The following RTL9 variants were observed in gnomAD, a reference collection of about 807,000 sequenced individuals.
The protein encoded by RTL9 is retrotransposon Gag like 9, also known as retrotransposon Gag-like protein 9.
Under a neutral mutation model 44.7 loss-of-function variants are expected in RTL9, and 19 were observed. The observed-to-expected ratio is 0.42, with a 90% confidence interval of 0.30 to 0.62. The LOEUF is 0.62. Ranked by LOEUF, RTL9 falls within the 20% of genes least tolerant of loss-of-function variation. The pLI is 0.16. For missense variants in RTL9, 1,105 were observed against 1,080.6 expected (o/e 1.02, Z -0.32); for synonymous variants, 407 against 398.9 (o/e 1.02, Z -0.24).
At chrX:110,385,199 T>C (rs139608199) in intron 1 of RTL9, among the ~76,000 whole-genome samples, 168 of 111,314 alleles carry the variant, frequency 1.5e-3, no homozygotes, top group South Asian at 3.5e-3. Context: ...ATCTATCAAA[T>C]AGAAACAATA....
At chrX:110,436,933 T>C (rs952574424) in intron 1 of RTL9, among the ~76,000 whole-genome samples, 1 of 111,931 alleles carries the variant, frequency 8.9e-6, no homozygotes, top group African/African-American at 3.2e-5. Flanking sequence ...GTAGGGCTTC[T>C]TTTGCTTTGT....
At position 110,370,590 on chromosome X, in the gene RTL9, AC is replaced by A. The variant is rs1205784412; in HGVS notation, c.-168+11675del. ...AGTCATCCCTTTTCTAAAGTTAATTACTTAATTTTCTTAACTTTTCCTAATT... is the reference window on the plus strand; with the variant it reads ...AGTCATCCCTTTTCTAAAGTTAATTATTAATTTTCTTAACTTTTCCTAATT... On this transcript the variant is annotated intron_variant, in intron 1 of 2. Coordinates refer to the RTL9 transcript ENST00000520821. Among the ~76,000 whole-genome samples, 3 of 112,498 alleles carry A rather than the reference AC, an allele frequency of 2.7e-5. No homozygotes were observed. In the East Asian group the frequency reaches 8.3e-4, roughly 31 times the overall value.
intron 1 of RTL9, among the ~76,000 whole-genome samples, chrX:110,393,525 C>G (rs967282897): frequency 9.0e-6 from 1 of 111,506 alleles, no homozygotes; most frequent in African/African-American, 3.3e-5. Flanking sequence ...GGCTCCAAGT[C>G]CCTCTGTCCC....
chrX:110,450,837 A>T lies in RTL9; in HGVS notation c.220A>T (p.Met74Leu), dbSNP rs776290244. ...GATGACATCTCCAGTCTTTGACACC[A>T]TGTCTGCACCTCTAATGGGAGTACC... Residue 74 changes from methionine to leucine, a missense_variant, in exon 1 of 2, where the codon ATG (methionine) becomes TTG (leucine). Met to Leu is a conservative substitution (Grantham distance 15, BLOSUM62 2). Transcript: ENST00000540313. 1.2e-5 allele frequency: 14 copies of T among 1,209,402 alleles called. No homozygotes were observed. The Admixed American group carries it at 2.8e-4, about 25-fold the overall frequency.
At chrX:110,444,091 T>C (rs1182818292) in intron 1 of RTL9, among the ~76,000 whole-genome samples, 1 of 112,545 alleles carries the variant, frequency 8.9e-6, no homozygotes, top group African/African-American at 3.2e-5. Flanking sequence ...TGAAGTTTGC[T>C]TGGAGAGTCT....
intron 1 of RTL9, among the ~76,000 whole-genome samples, chrX:110,400,687 T>C (rs2068558487): frequency 8.9e-6 from 1 of 112,129 alleles, no homozygotes; most frequent in Admixed American, 9.5e-5. Context: ...CTGTGAAGCT[T>C]TCTCAGTGCC....
At chrX:110,453,838 T>G in exon 1 of RTL9, 1 of 1,211,188 alleles carries the variant, frequency 8.3e-7, no homozygotes, top group Non-Finnish European at 1.1e-6. Flanking sequence ...ACACCACTAA[T>G]GAGGGCCTCA....
intron 1 of RTL9, among the ~76,000 whole-genome samples, chrX:110,431,352 T>TGTGTGTGC (rs1460226037): frequency 9.1e-6 from 1 of 109,475 alleles, no homozygotes; most frequent in African/African-American, 3.3e-5. Flanking sequence ...TGTGTGTGTG[T>TGTGTGTGC]GTGCTGGCTG....
chrX:110,385,851 T>G (rs756350315), intron 1 of RTL9, among the ~76,000 whole-genome samples: 4 of 111,528 alleles, frequency 3.6e-5, no homozygotes, highest in Non-Finnish European at 7.5e-5. Context: ...CCAGTGTCTA[T>G]CGTTCCCATA....
chrX:110,442,247 C>CTCTCTGTGTGTGTG (rs1556214261), intron 1 of RTL9, among the ~76,000 whole-genome samples: 3 of 97,036 alleles, frequency 3.1e-5, no homozygotes, highest in African/African-American at 1.2e-4. Flanking sequence ...CTCTCTCTCT[C>CTCTCTGTGTGTGTG]TGTGTGTGTG....
chrX:110,454,780 G>A (rs2068970906), intron 1 of RTL9, 116 bp downstream of exon 3: 2 of 629,302 alleles, frequency 3.2e-6, no homozygotes, highest in Non-Finnish European at 4.8e-6. Flanking sequence ...GAGGCATGGA[G>A]CTCCTAGACC....
chrX:110,372,676 A>G (rs1473076776), intron 1 of RTL9, among the ~76,000 whole-genome samples: 2 of 112,140 alleles, frequency 1.8e-5, no homozygotes. Context: ...TAAAAGCAAC[A>G]CAACTTAAAA....
chrX:110,454,785 T>G, intron 1 of RTL9, 121 bp downstream of exon 3: 1 of 605,893 alleles, frequency 1.7e-6, no homozygotes, highest in Non-Finnish European at 2.5e-6. Flanking sequence ...ATGGAGCTCC[T>G]AGACCATTAA....
rs746806012 is a variant in RTL9 at position 110,378,129 on chromosome X, G to A, written c.-168+19213G>A. On this transcript the variant is annotated intron_variant, in intron 1 of 2. Coordinates refer to the RTL9 transcript ENST00000520821. ...TCATTTTGATACTTACATAAATCTT[G>A]CGTTATTCTGCCCATTTTTTTGGCT... Among the ~76,000 whole-genome samples, 41 of 109,774 alleles carry A rather than the reference G, an allele frequency of 3.7e-4. 1 individual carries two copies. The highest frequency in any genetic ancestry group is 1.3e-3 in the African/African-American group (40 of 29,946).
chrX:110,394,092 G>A (rs1449812858), intron 1 of RTL9, among the ~76,000 whole-genome samples: 1 of 112,189 alleles, frequency 8.9e-6, no homozygotes, highest in African/African-American at 3.2e-5. Flanking sequence ...TGCTACAACC[G>A]CTGTCACTCA....
chrX:110,375,982 TA>T (rs1476139788), intron 1 of RTL9, among the ~76,000 whole-genome samples: 1 of 111,198 alleles, frequency 9.0e-6, no homozygotes, highest in African/African-American at 3.3e-5. Flanking sequence ...TGTCTGTCCT[TA>T]AAAAAATAGA....
At chrX:110,453,275 A>C (rs1360764162) in exon 1 of RTL9, 11 of 1,210,906 alleles carry the variant, frequency 9.1e-6, no homozygotes, top group Non-Finnish European at 1.1e-5. Flanking sequence ...ACATGTGCAC[A>C]CTACCAGTGC....
upstream of RTL9, among the ~76,000 whole-genome samples, chrX:110,417,728 A>G (rs2068688189): frequency 8.9e-6 from 1 of 112,528 alleles, no homozygotes; most frequent in Non-Finnish European, 1.9e-5. Context: ...GATGATGATG[A>G]TGACAAAAAA....
chrX:110,362,544 C>T (rs776891629), intron 1 of RTL9, among the ~76,000 whole-genome samples: 3 of 112,331 alleles, frequency 2.7e-5, no homozygotes, highest in Admixed American at 9.5e-5. Context: ...AGAAGCTGGG[C>T]GACTGTTACT....
Sources: gnomAD v4.1 joint callset for allele counts (sites outside exome capture counted in the v4.1 genomes callset) on GRCh38, gnomAD v4.1.1 for gene constraint, MANE v1.5 for transcripts, NCBI Gene and HGNC (gene_info 2026-07-23, HGNC 2026-07-21) for gene names.